The following KLHL13 variants were observed in gnomAD, a reference collection of about 807,000 sequenced individuals.
KLHL13 encodes the protein kelch-like protein 13.
In KLHL13, 10 loss-of-function variants were observed where a neutral mutation model predicts 37.1. The ratio of observed to expected loss-of-function variants is 0.27; its 90% CI spans 0.17 to 0.46. The LOEUF is 0.46. KLHL13 is among the 20% of genes least tolerant of loss of function. The pLI is 1.00. For missense variants in KLHL13, 360 were observed against 509.3 expected, an observed-to-expected ratio of 0.71 and a Z score of 2.82; for synonymous variants, 163 against 181.2, an observed-to-expected ratio of 0.90 and a Z score of 0.81.
intron 1 of KLHL13, among the ~76,000 whole-genome samples, chrX:118,046,270 A>C (rs1022050666): frequency 8.9e-6 from 1 of 112,299 alleles, no homozygotes; most frequent in South Asian, 3.7e-4. Context: ...CATTGTGTTA[A>C]GTGAAATAAG....
intron 1 of KLHL13, among the ~76,000 whole-genome samples, chrX:118,012,492 C>G (rs1241709712): frequency 9.1e-6 from 1 of 110,372 alleles, no homozygotes; most frequent in African/African-American, 3.3e-5. Flanking sequence ...ATCACATCTC[C>G]TTTTCCTGAC....
chrX:117,996,473 G>A (rs374890835), intron 1 of KLHL13, among the ~76,000 whole-genome samples: 58 of 111,553 alleles, frequency 5.2e-4, no homozygotes, highest in Admixed American at 6.7e-4. Context: ...GCATAGAACC[G>A]ATTCCAATTT....
intron 1 of KLHL13, among the ~76,000 whole-genome samples, chrX:117,966,650 C>T (rs1602606529): frequency 1.8e-5 from 2 of 111,131 alleles, no homozygotes; most frequent in African/African-American, 6.6e-5. Flanking sequence ...CGCTACCTGA[C>T]TTCAAACTAT....
intron 2 of KLHL13, among the ~76,000 whole-genome samples, chrX:117,942,717 G>A (rs1933110046): frequency 9.0e-6 from 1 of 111,136 alleles, no homozygotes; most frequent in Non-Finnish European, 1.9e-5. Flanking sequence ...TTGAGCCTAT[G>A]TGTGTCTTTG....
At chrX:118,072,167 A>G (rs934735789) in intron 1 of KLHL13, among the ~76,000 whole-genome samples, 1 of 110,008 alleles carries the variant, frequency 9.1e-6, no homozygotes, top group Non-Finnish European at 1.9e-5. Flanking sequence ...GCCCTCAGAA[A>G]TAACGCCGCA....
At chrX:117,997,382 T>C (rs1364376221) in intron 1 of KLHL13, among the ~76,000 whole-genome samples, 1 of 111,736 alleles carries the variant, frequency 8.9e-6, no homozygotes, top group Admixed American at 9.5e-5. Flanking sequence ...TGAATGAATA[T>C]GAAAATAGAA....
chrX:118,076,568 T>C (rs1048160698), intron 1 of KLHL13, among the ~76,000 whole-genome samples: 5 of 111,653 alleles, frequency 4.5e-5, no homozygotes, highest in Admixed American at 3.8e-4. Context: ...AAAAAAGGTC[T>C]CATGGTTAAT....
chrX:118,099,104 TATA>T (rs1405766195), intron 1 of KLHL13, among the ~76,000 whole-genome samples: 8 of 105,692 alleles, frequency 7.6e-5, no homozygotes, highest in Admixed American at 5.9e-4. Flanking sequence ...AAACTTAAAG[TATA>T]ATAATAATAA....
intron 1 of KLHL13, among the ~76,000 whole-genome samples, chrX:118,109,331 C>T (rs2055382786): frequency 9.0e-6 from 1 of 111,621 alleles, no homozygotes; most frequent in Admixed American, 9.5e-5. Context: ...TGGGAATTTA[C>T]GGCTATGAAA....
At chrX:117,965,101 C>T (rs2053395588) in intron 1 of KLHL13, among the ~76,000 whole-genome samples, 1 of 111,320 alleles carries the variant, frequency 9.0e-6, no homozygotes. Flanking sequence ...GGGTATATAC[C>T]CAGTAATGGG....
chrX:117,976,297 A>G (rs2053596893), upstream of KLHL13, among the ~76,000 whole-genome samples: 1 of 112,250 alleles, frequency 8.9e-6, no homozygotes, highest in Non-Finnish European at 1.9e-5. Flanking sequence ...AAGTCCTTAA[A>G]AATAATCCCT....
intron 1 of KLHL13, among the ~76,000 whole-genome samples, chrX:118,053,797 G>GAGAGAGAGAGAGAGAGAGAGAGGAGA (rs1421103239): frequency 4.1e-4 from 23 of 56,129 alleles, no homozygotes; most frequent in Non-Finnish European, 5.2e-4. Context: ...GTGTGTGTGT[G>GAGAGAGAGAGAGAGAGAGAGAGGAGA]TGAGAGAGAG....
intron 6 of KLHL13, 37 bp downstream of exon 7, chrX:117,901,796 T>G (rs1378664152): frequency 3.0e-6 from 2 of 669,605 alleles, no homozygotes; most frequent in Non-Finnish European, 4.7e-6. Context: ...AGTTAAAAGC[T>G]TATATATTAT....
chrX:118,014,777 A>G (rs1051212649), intron 1 of KLHL13, among the ~76,000 whole-genome samples: 16 of 112,240 alleles, frequency 1.4e-4, no homozygotes, highest in Non-Finnish European at 1.5e-4. Flanking sequence ...ACATTGAAAT[A>G]TTGGGGGCTG....
chrX:118,057,151 T>C (rs762847970), intron 1 of KLHL13, among the ~76,000 whole-genome samples: 14 of 111,913 alleles, frequency 1.3e-4, no homozygotes, highest in African/African-American at 1.9e-4. Flanking sequence ...GGCACAAGGA[T>C]AGATCAATGG....
At chrX:117,957,905 T>C (rs1276884655) in intron 1 of KLHL13, among the ~76,000 whole-genome samples, 1 of 111,653 alleles carries the variant, frequency 9.0e-6, no homozygotes, top group African/African-American at 3.2e-5. Context: ...ACTTTGAGAG[T>C]AGTTTCTATC....
intron 1 of KLHL13, among the ~76,000 whole-genome samples, chrX:118,087,713 T>C (rs1003150890): frequency 4.5e-5 from 5 of 111,663 alleles, no homozygotes; most frequent in African/African-American, 1.6e-4. Context: ...GAAAGGTCAC[T>C]TTCTACCAAG....
chrX:118,094,150 T>C (rs973780641), intron 1 of KLHL13, among the ~76,000 whole-genome samples: 1 of 109,837 alleles, frequency 9.1e-6, no homozygotes, highest in Non-Finnish European at 1.9e-5. Flanking sequence ...GAAAAAAAAT[T>C]AGATGAATGG....
upstream of KLHL13, among the ~76,000 whole-genome samples, chrX:117,975,067 T>G (rs1317294121): frequency 9.0e-6 from 1 of 111,114 alleles, no homozygotes; most frequent in East Asian, 2.8e-4. Flanking sequence ...ATAGTCAATA[T>G]TTTACATTAG....
Sources: gnomAD v4.1 joint callset for allele counts (sites outside exome capture counted in the v4.1 genomes callset) on GRCh38, gnomAD v4.1.1 for gene constraint, MANE v1.5 for transcripts, NCBI Gene and HGNC (gene_info 2026-07-23, HGNC 2026-07-21) for gene names.